SPO11: variants seen among roughly 807,000 people sequenced by gnomAD.
SPO11 encodes meiotic recombination protein SPO11.
In SPO11, 49 loss-of-function variants were observed where a neutral mutation model predicts 51.6. The observed-to-expected ratio is 0.95, with a 90% CI of 0.75 to 1.20. The LOEUF (loss-of-function observed/expected upper bound fraction) is 1.20, where lower values mean the gene tolerates loss of function less well. SPO11 is among the 50% of genes most tolerant of loss of function. SPO11 has a pLI of 0.00. For synonymous variants in SPO11, 176 were observed against 158.2 expected, an observed-to-expected ratio of 1.11 and a Z score of -0.84; for missense variants, 431 against 473.4, an observed-to-expected ratio of 0.91 and a Z score of 0.83.
chr20:57,339,798 G>A (rs2066558155), intron 10 of SPO11, among the ~76,000 whole-genome samples: 1 of 152,188 alleles, frequency 6.6e-6, no homozygotes, highest in Non-Finnish European at 1.5e-5. Context: ...GAGTGCGGTG[G>A]TGCAGTGACA....
chr20:57,337,091 C>A (rs1214304954), intron 8 of SPO11, among the ~76,000 whole-genome samples: 4 of 152,084 alleles, frequency 2.6e-5, no homozygotes, highest in Non-Finnish European at 5.9e-5. Context: ...AAGAAACTTG[C>A]CCAACATCAC....
intron 3 of SPO11, 70 bp from the exon 4 acceptor site, chr20:57,333,617 T>C: frequency 1.2e-6 from 1 of 853,084 alleles, no homozygotes; most frequent in South Asian, 1.5e-5. Flanking sequence ...GTTAAAATCC[T>C]TGATAGCAGT....
chr20:57,340,937 A>G (rs150318111), intron 11 of SPO11, among the ~76,000 whole-genome samples: 293 of 152,342 alleles, frequency 1.9e-3, no homozygotes, highest in African/African-American at 6.8e-3. Context: ...AGTTTATTAT[A>G]TATGTTCATT....
Position 57,337,615 on chromosome 20 carries a change from A to T in SPO11, c.745-661A>T, listed in dbSNP as rs146123252. On this transcript the variant is annotated intron_variant, in intron 8 of 12. Transcript: ENST00000371263. ...AAATAACACTTCAGTGAGCATCTTT[A>T]AATATGTAGGATGTTTATTATTTCT... 7.7e-5 allele frequency: 44 copies of T among 573,140 alleles called. No homozygotes were observed. In the East Asian group the frequency reaches 2.9e-3, roughly 37 times the overall value. The allele number at this position is 573,140 out of a possible 1,614,324, so 35.5% of individuals were successfully genotyped here.
At chr20:57,343,036 G>C (rs1173813648) in intron 12 of SPO11, among the ~76,000 whole-genome samples, 196 bp downstream of exon 12, 4 of 152,072 alleles carry the variant, frequency 2.6e-5, no homozygotes, top group African/African-American at 9.7e-5. Flanking sequence ...GAATGGAGCT[G>C]GCCTGTTTGT....
At chr20:57,338,909 T>C in intron 9 of SPO11, 80 bp from the exon 10 acceptor site, 4 of 877,066 alleles carry the variant, frequency 4.6e-6, no homozygotes, top group Non-Finnish European at 7.1e-6. Context: ...ATTAAAATTA[T>C]AGATAGATAA....
intron 2 of SPO11, among the ~76,000 whole-genome samples, chr20:57,332,805 T>C (rs1445016879): frequency 6.6e-6 from 1 of 152,178 alleles, no homozygotes; most frequent in Non-Finnish European, 1.5e-5. Flanking sequence ...TTAAATTGAG[T>C]AAAATTATTA....
At position 57,343,510 on chromosome 20, in the gene SPO11, T is replaced by C. The variant is rs2066608795; in HGVS notation, c.*50T>C. The C allele has an allele frequency of 1.3e-6, 2 of 1,545,830 alleles. No homozygotes were observed. The highest frequency in any genetic ancestry group is 4.4e-5 in the Admixed American group (2 of 45,704). On this transcript the variant is annotated 3_prime_UTR_variant, in exon 13 of 13. Coordinates refer to ENST00000371263, the MANE Select transcript of SPO11 (RefSeq NM_012444.3). ...TGCCAGAGGCTTTTCATTAGTTTTG[T>C]TTTGATTGGCAAATACTATTGTGGA...
chr20:57,341,533 ATTTC>A (rs1307569995), intron 11 of SPO11, among the ~76,000 whole-genome samples: 1 of 152,082 alleles, frequency 6.6e-6, no homozygotes, highest in Non-Finnish European at 1.5e-5. Context: ...TGTTTATTGG[ATTTC>A]TTTAAGTGGT....
At chr20:57,331,746 A>T in intron 1 of SPO11, 87 bp from the exon 2 acceptor site, 1 of 618,828 alleles carries the variant, frequency 1.6e-6, no homozygotes, top group Non-Finnish European at 2.6e-6. Flanking sequence ...ATAAAAAGTT[A>T]CTTTAGTATT....
rs1483728524 is a variant in SPO11 at position 57,340,189 on chromosome 20, A to G, written c.959+11A>G. ...TTCTGATCTTAAAAGGTTAGATAGT[A>G]TAGCAGAACTAGGATATTTAAAATG... On this transcript the variant is annotated intron_variant, in intron 11 of 12. Transcript: ENST00000371263. 1.9e-6 allele frequency: 3 copies of G among 1,547,684 alleles called. No individual in the cohort carries two copies. Among genetic ancestry groups the G allele is most frequent in the Non-Finnish European group, 2.7e-6 (3 of 1,119,802 alleles).
intron 9 of SPO11, 85 bp from the exon 10 acceptor site, chr20:57,338,904 A>G (rs2066546116): frequency 1.2e-6 from 1 of 840,240 alleles, no homozygotes; most frequent in Admixed American, 2.7e-5. Flanking sequence ...ACAAAATTAA[A>G]ATTATAGATA....
In SPO11 at chr20:57,335,813, C is replaced by A. The variant is rs765747732; in HGVS notation, c.650C>A (p.Ala217Glu). Residue 217 changes from alanine (A) to glutamate (E), a missense_variant, in exon 8 of 13, where the codon GCA (alanine) becomes GAA (glutamate). Around this residue, in one of 3 missense-constraint regions of SPO11, gnomAD observed 405 missense variants for 425.9 expected, o/e 0.95. Coordinates refer to ENST00000371263, the MANE Select transcript of SPO11 (RefSeq NM_012444.3). ...IQGIRNLVTDAKFVLIVEKDA... is the reference protein window; with the variant it reads ...IQGIRNLVTDEKFVLIVEKDA... ...AACTTCACAGATTTAGTTACAGATG[C>A]AAAGTTTGTATTAATTGTAGAAAAA... The A allele has an allele frequency of 6.2e-7, 1 of 1,607,946 alleles. No individual in the cohort carries two copies. Among genetic ancestry groups the A allele is most frequent in the Non-Finnish European group, 8.5e-7 (1 of 1,176,016 alleles).
At chr20:57,342,140 A>C (rs896330623) in intron 11 of SPO11, among the ~76,000 whole-genome samples, 1 of 152,184 alleles carries the variant, frequency 6.6e-6, no homozygotes. Flanking sequence ...ACGTTTTTCA[A>C]ATTTAAAACT....
At chr20:57,342,658 C>T (rs1184712419) in intron 11 of SPO11, 71 bp from the exon 12 acceptor site, 2 of 901,960 alleles carry the variant, frequency 2.2e-6, no homozygotes. Flanking sequence ...ACCATAAATA[C>T]AGGCAAAATA....
intron 2 of SPO11, 103 bp from the exon 3 acceptor site, chr20:57,333,085 A>C: frequency 3.9e-6 from 3 of 776,874 alleles, no homozygotes; most frequent in Non-Finnish European, 6.1e-6. Context: ...ATTGAGAAGA[A>C]ATGTGGGTTT....
At chr20:57,332,516 A>AT (rs2066462217) in intron 2 of SPO11, among the ~76,000 whole-genome samples, 1 of 152,140 alleles carries the variant, frequency 6.6e-6, no homozygotes, top group East Asian at 1.9e-4. Context: ...AGCCTCTCAT[A>AT]TTTTTTAAGA....
chr20:57,330,145 G>GTA (rs747474649), intron 1 of SPO11, 147 bp downstream of exon 1: 1 of 1,215,218 alleles, frequency 8.2e-7, no homozygotes, highest in Non-Finnish European at 1.1e-6. Flanking sequence ...TCCTTCCTGA[G>GTA]TACCCGTGAC....
intron 5 of SPO11, among the ~76,000 whole-genome samples, chr20:57,334,476 T>C (rs923949470): frequency 1.3e-5 from 2 of 152,144 alleles, no homozygotes; most frequent in Non-Finnish European, 2.9e-5. Flanking sequence ...TAAAACATAA[T>C]ATAGTCTTCT....
Sources: allele counts gnomAD v4.1 joint callset (sites outside exome capture counted in the v4.1 genomes callset), GRCh38; gene constraint gnomAD v4.1.1; regional missense constraint gnomAD v4.1.1; transcripts MANE v1.5; gene names NCBI Gene and HGNC (gene_info 2026-07-23, HGNC 2026-07-21).